The following RBFOX1 variants were observed in gnomAD, a reference collection of about 807,000 sequenced individuals.
RBFOX1 encodes the protein RNA binding fox-1 homolog 1.
RBFOX1 carries 8 observed loss-of-function variants against 57.7 expected under a neutral mutation model. That is an observed-to-expected ratio of 0.14 (90% CI 0.08 to 0.25). The LOEUF (loss-of-function observed/expected upper bound fraction) is 0.25, where lower values mean the gene tolerates loss of function less well. RBFOX1 is among the 10% of genes least tolerant of loss of function. The probability of loss-of-function intolerance (pLI) is 1.00; values close to 1 mark genes in which losing one functional copy is unlikely to be tolerated. For missense variants in RBFOX1, 611 were observed against 548.5 expected (o/e 1.11, Z -1.14); for synonymous variants, 326 against 222.4 (o/e 1.47, Z -4.15).
chr16:6,897,461 G>A (rs140144863), intron 3 of RBFOX1, among the ~76,000 whole-genome samples: 1,906 of 152,260 alleles, frequency 0.013, 21 homozygotes, highest in Non-Finnish European at 0.02. Context: ...AGATTAAAAC[G>A]TGATGTGGCT....
chr16:7,101,028 A>G (rs1229273385), intron 4 of RBFOX1, among the ~76,000 whole-genome samples: 4 of 152,224 alleles, frequency 2.6e-5, no homozygotes, highest in Non-Finnish European at 5.9e-5. Flanking sequence ...ACAAGGATAT[A>G]TGGTACAAAG....
At chr16:7,214,338 A>G (rs1268270750) in intron 4 of RBFOX1, among the ~76,000 whole-genome samples, 1 of 152,166 alleles carries the variant, frequency 6.6e-6, no homozygotes, top group Non-Finnish European at 1.5e-5. Flanking sequence ...ATTTCCCTGT[A>G]GATCCCTACT....
intron 5 of RBFOX1, among the ~76,000 whole-genome samples, chr16:7,525,632 G>A (rs776272579): frequency 1.3e-5 from 2 of 152,166 alleles, no homozygotes; most frequent in Non-Finnish European, 2.9e-5. Context: ...GTGTTTGGGT[G>A]TGGCTTTCCC....
At chr16:6,380,721 G>T (rs970362101) in intron 2 of RBFOX1, among the ~76,000 whole-genome samples, 8 of 152,020 alleles carry the variant, frequency 5.3e-5, no homozygotes, top group Non-Finnish European at 7.4e-5. Flanking sequence ...TGTAAAACAG[G>T]TGTTAAGTAT....
intron 3 of RBFOX1, among the ~76,000 whole-genome samples, chr16:6,848,423 A>C (rs2093883148): frequency 6.6e-6 from 1 of 152,196 alleles, no homozygotes; most frequent in African/African-American, 2.4e-5. Context: ...ATGCCAAACA[A>C]ACACTTCTGT....
At chr16:5,372,841 G>GGAATCAAAACACACTTGTGATCCTTTTT (rs1425318882) in intron 1 of RBFOX1, among the ~76,000 whole-genome samples, 1 of 152,164 alleles carries the variant, frequency 6.6e-6, no homozygotes, top group African/African-American at 2.4e-5. Flanking sequence ...ATGATCCTTT[G>GGAATCAAAACACACTTGTGATCCTTTTT]GAATCAAAAC....
At chr16:5,418,972 G>A (rs1348292804) in intron 1 of RBFOX1, among the ~76,000 whole-genome samples, 1 of 152,168 alleles carries the variant, frequency 6.6e-6, no homozygotes, top group African/African-American at 2.4e-5. Context: ...GTTGAGGCCT[G>A]AACTGGATTG....
intron 1 of RBFOX1, among the ~76,000 whole-genome samples, chr16:6,241,528 A>G (rs984845209): frequency 1.3e-5 from 2 of 152,220 alleles, no homozygotes; most frequent in Non-Finnish European, 2.9e-5. Context: ...AGTAATTTCT[A>G]TGAGCAAGAG....
intron 3 of RBFOX1, among the ~76,000 whole-genome samples, chr16:7,040,819 T>C (rs1377780478): frequency 2.6e-5 from 4 of 152,238 alleles, no homozygotes; most frequent in African/African-American, 9.6e-5. Context: ...TTCCGTAGTA[T>C]AGGTCAAAGT....
At chr16:5,853,527 C>A (rs978739134) in intron 3 of RBFOX1, among the ~76,000 whole-genome samples, 1 of 152,182 alleles carries the variant, frequency 6.6e-6, no homozygotes, top group Non-Finnish European at 1.5e-5. Flanking sequence ...AGGACACAGA[C>A]CCTGACTTGG....
chr16:7,333,169 C>G, intron 4 of RBFOX1: 1 of 1,356,216 alleles, frequency 7.4e-7, no homozygotes, highest in Non-Finnish European at 1.0e-6. Flanking sequence ...GTTGAGAAAG[C>G]AAACACTTTT....
At chr16:5,893,308 A>G (rs1567679172) in intron 4 of RBFOX1, among the ~76,000 whole-genome samples, 1 of 152,216 alleles carries the variant, frequency 6.6e-6, no homozygotes. Context: ...CACATGGTGA[A>G]TGGGCACAAA....
At chr16:7,302,051 C>A (rs1276642083) in intron 4 of RBFOX1, among the ~76,000 whole-genome samples, 2 of 152,168 alleles carry the variant, frequency 1.3e-5, no homozygotes, top group Non-Finnish European at 2.9e-5. Flanking sequence ...CCACTGCCAG[C>A]ACCCCCCAAT....
chr16:6,130,424 T>C (rs1415116127), intron 1 of RBFOX1, among the ~76,000 whole-genome samples: 2 of 152,026 alleles, frequency 1.3e-5, no homozygotes. Flanking sequence ...GTATATGTAA[T>C]GCAAAAAGGA....
At chr16:7,543,087 T>C (rs1601412230) in intron 5 of RBFOX1, among the ~76,000 whole-genome samples, 1 of 152,180 alleles carries the variant, frequency 6.6e-6, no homozygotes, top group Non-Finnish European at 1.5e-5. Context: ...CCAAGCATGG[T>C]ACTGTGGCAG....
Position 6,847,488 on chromosome 16 carries a change from C to A in RBFOX1, c.-16+192838C>A, listed in dbSNP as rs565529837. On this transcript the variant is annotated intron_variant, in intron 3 of 15. Coordinates refer to ENST00000550418, the MANE Select transcript of RBFOX1 (RefSeq NM_018723.4). ...CACAGGGGGTGGGCTGGAATCCTTA[C>A]CACTGTGGCCCACGTTTTATTGGCC... Among the ~76,000 whole-genome samples the A allele has an allele frequency of 1.2e-4, 18 of 152,176 alleles. No homozygotes were observed. The South Asian group carries it at 3.3e-3, about 28-fold the overall frequency.
intron 1 of RBFOX1, among the ~76,000 whole-genome samples, chr16:5,301,237 C>T (rs992283389): frequency 1.3e-5 from 2 of 152,138 alleles, no homozygotes; most frequent in Non-Finnish European, 2.9e-5. Context: ...GTTCACATGG[C>T]AGGGAATTGA....
intron 4 of RBFOX1, among the ~76,000 whole-genome samples, chr16:7,177,097 C>G (rs757374976): frequency 6.6e-6 from 1 of 152,208 alleles, no homozygotes; most frequent in Non-Finnish European, 1.5e-5. Flanking sequence ...GGTTCGGAGA[C>G]AACTCCATTT....
intron 2 of RBFOX1, among the ~76,000 whole-genome samples, chr16:6,650,124 A>G (rs1354162242): frequency 6.6e-6 from 1 of 152,092 alleles, no homozygotes; most frequent in Non-Finnish European, 1.5e-5. Flanking sequence ...ATCTGTTTTT[A>G]ATTTTTTGAG....
Sources: allele counts gnomAD v4.1 joint callset (sites outside exome capture counted in the v4.1 genomes callset), GRCh38; gene constraint gnomAD v4.1.1; transcripts MANE v1.5; gene names NCBI Gene and HGNC (gene_info 2026-07-23, HGNC 2026-07-21).